Variants in TBC1D32 observed in about 807,000 individuals in gnomAD.
The protein encoded by TBC1D32 is protein broad-minded.
In TBC1D32, 151 loss-of-function variants were observed where a neutral mutation model predicts 170.3. The observed-to-expected ratio is 0.89, with a 90% CI of 0.78 to 1.01. TBC1D32 has a LOEUF of 1.01. Ranked by LOEUF, TBC1D32 falls within the 50% of genes least tolerant of loss-of-function variation. The pLI, the probability that TBC1D32 is intolerant of heterozygous loss-of-function variation, is 0.00. For missense variants in TBC1D32, 1,464 were observed against 1,457.1 expected, an observed-to-expected ratio of 1.00 and a Z score of -0.08; for synonymous variants, 498 against 488.0, an observed-to-expected ratio of 1.02 and a Z score of -0.27.
chr6:121,212,088 T>C (rs1345885045), intron 21 of TBC1D32, among the ~76,000 whole-genome samples: 2 of 151,926 alleles, frequency 1.3e-5, no homozygotes, highest in Admixed American at 6.6e-5. Flanking sequence ...AAGACTACTA[T>C]GAACATCTCT....
chr6:121,091,518 GA>G (rs1267379781), intron 30 of TBC1D32, among the ~76,000 whole-genome samples: 1 of 151,956 alleles, frequency 6.6e-6, no homozygotes, highest in African/African-American at 2.4e-5. Flanking sequence ...AAACCTAACG[GA>G]ATTACATAAC....
At chr6:121,213,394 T>C (rs1793335322) in intron 21 of TBC1D32, among the ~76,000 whole-genome samples, 1 of 151,744 alleles carries the variant, frequency 6.6e-6, no homozygotes, top group African/African-American at 2.4e-5. Context: ...CTAGCATTCC[T>C]ATACTCCAAC....
chr6:121,234,191 G>A (rs1048670500), intron 20 of TBC1D32, among the ~76,000 whole-genome samples: 5 of 152,094 alleles, frequency 3.3e-5, no homozygotes, highest in Admixed American at 3.3e-4. Context: ...CATATGCCTA[G>A]GCAATGATCT....
At chr6:121,100,992 A>G (rs1184399623) in intron 30 of TBC1D32, among the ~76,000 whole-genome samples, 1 of 152,194 alleles carries the variant, frequency 6.6e-6, no homozygotes, top group African/African-American at 2.4e-5. Flanking sequence ...TCTAGAAGAA[A>G]TGGATAAATT....
intron 15 of TBC1D32, among the ~76,000 whole-genome samples, chr6:121,277,474 A>C (rs144087782): frequency 0.028 from 4,077 of 143,266 alleles, 159 homozygotes; most frequent in East Asian, 0.1. Context: ...GGCGACAGAG[A>C]AAGACTCCAT....
intron 15 of TBC1D32, among the ~76,000 whole-genome samples, chr6:121,265,742 A>G (rs1800393283): frequency 6.6e-6 from 1 of 152,178 alleles, no homozygotes; most frequent in African/African-American, 2.4e-5. Flanking sequence ...AGACCAATGG[A>G]AAAGAATAGA....
intron 29 of TBC1D32, among the ~76,000 whole-genome samples, chr6:121,107,723 C>T (rs924027598): frequency 6.6e-6 from 1 of 151,834 alleles, no homozygotes; most frequent in African/African-American, 2.4e-5. Context: ...TTTAGTTTTT[C>T]CATGCAAACT....
At chr6:121,215,841 TAA>T (rs1474424355) in intron 21 of TBC1D32, among the ~76,000 whole-genome samples, 3 of 151,950 alleles carry the variant, frequency 2.0e-5, no homozygotes, top group East Asian at 1.9e-4. Flanking sequence ...ATCAAAAAAG[TAA>T]AAGAGTAACA....
chr6:121,280,757 C>G (rs899007704), intron 14 of TBC1D32, among the ~76,000 whole-genome samples: 1 of 151,730 alleles, frequency 6.6e-6, no homozygotes, highest in Non-Finnish European at 1.5e-5. Context: ...TTGGCATTTG[C>G]CAAGTTAACC....
chr6:121,265,882 T>C (rs778216524), intron 15 of TBC1D32, among the ~76,000 whole-genome samples: 1 of 152,028 alleles, frequency 6.6e-6, no homozygotes, highest in South Asian at 2.1e-4. Flanking sequence ...TGCAGAAAAC[T>C]GAAAATGGAA....
At chr6:121,303,341 T>C (rs766799059) in intron 9 of TBC1D32, among the ~76,000 whole-genome samples, 5 of 152,190 alleles carry the variant, frequency 3.3e-5, no homozygotes, top group Non-Finnish European at 7.4e-5. Context: ...TCATTCAGCT[T>C]AGATTCAAAT....
At chr6:121,314,299 C>T (rs572325576) in intron 3 of TBC1D32, among the ~76,000 whole-genome samples, 13 of 152,294 alleles carry the variant, frequency 8.5e-5, no homozygotes, top group African/African-American at 2.9e-4. Flanking sequence ...AGATGGGTCC[C>T]GCCTGGATAA....
rs1784987071 is a variant in TBC1D32, at chr6:121,157,017, T to C, written c.2773+2993A>G. ...GGTGGAGTATTCTTTGGATACTTAT[T>C]AGGTCTACTTCACCAAGTGTCAAGT... On this transcript the variant is annotated intron_variant, in intron 24 of 31. Coordinates refer to ENST00000398212, the MANE Select transcript of TBC1D32 (RefSeq NM_152730.6). Among the ~76,000 whole-genome samples, 4 of 152,252 alleles carry C rather than the reference T, an allele frequency of 2.6e-5. No homozygotes were observed. The South Asian group carries it at 8.3e-4, about 32-fold the overall frequency.
intron 22 of TBC1D32, among the ~76,000 whole-genome samples, chr6:121,191,207 C>A (rs1789966448): frequency 6.6e-6 from 1 of 152,112 alleles, no homozygotes; most frequent in Non-Finnish European, 1.5e-5. Flanking sequence ...TGCATGCACA[C>A]CCATGTGCAC....
At chr6:121,243,794 A>C (rs1158181750) in intron 17 of TBC1D32, among the ~76,000 whole-genome samples, 1 of 151,986 alleles carries the variant, frequency 6.6e-6, no homozygotes, top group Non-Finnish European at 1.5e-5. Flanking sequence ...ACTATGTTTG[A>C]AGACCAAAAA....
intron 15 of TBC1D32, among the ~76,000 whole-genome samples, chr6:121,262,366 G>T (rs568174684): frequency 1.3e-5 from 2 of 152,192 alleles, no homozygotes; most frequent in South Asian, 4.1e-4. Flanking sequence ...AAATGTTAAG[G>T]GCAGCCAGAG....
intron 9 of TBC1D32, among the ~76,000 whole-genome samples, chr6:121,303,074 G>C (rs986179832): frequency 2.6e-5 from 4 of 152,100 alleles, no homozygotes; most frequent in African/African-American, 4.8e-5. Context: ...AGTTAACAGA[G>C]GTTGAGGGAG....
intron 12 of TBC1D32, 50 bp downstream of exon 12, chr6:121,292,003 T>C: frequency 4.0e-6 from 6 of 1,494,982 alleles, no homozygotes; most frequent in Non-Finnish European, 5.4e-6. Context: ...CTCCACCATA[T>C]ATAAATCTTA....
chr6:121,138,381 T>C (rs1782374737), intron 24 of TBC1D32, among the ~76,000 whole-genome samples: 1 of 152,222 alleles, frequency 6.6e-6, no homozygotes, highest in African/African-American at 2.4e-5. Context: ...CTTGTCATCT[T>C]ACTGCACCTG....
Sources: allele counts gnomAD v4.1 joint callset (sites outside exome capture counted in the v4.1 genomes callset), GRCh38; gene constraint gnomAD v4.1.1; transcripts MANE v1.5; gene names NCBI Gene and HGNC (gene_info 2026-07-23, HGNC 2026-07-21).